Variants in BUD31 observed in about 807,000 individuals in gnomAD.
BUD31 encodes the protein BUD31 spliceosome associated protein, also known as protein BUD31 homolog.
A neutral mutation model predicts 17.9 loss-of-function variants in BUD31; 9 were observed. The observed-to-expected ratio is 0.50, with a 90% confidence interval of 0.30 to 0.88. The LOEUF (loss-of-function observed/expected upper bound fraction) is 0.88, where lower values mean the gene tolerates loss of function less well. Among genes scored for constraint, BUD31 ranks in the 40% least tolerant of loss-of-function variants. The pLI, the probability that BUD31 is intolerant of heterozygous loss-of-function variation, is 0.06. For missense variants in BUD31, 148 were observed against 184.5 expected, an observed-to-expected ratio of 0.80 and a Z score of 1.15; for synonymous variants, 70 against 64.7, an observed-to-expected ratio of 1.08 and a Z score of -0.39.
At chr7:99,411,391 T>G (rs11760993) in intron 3 of BUD31, 38,971 of 519,060 alleles carry the variant, frequency 0.075, 2,115 homozygotes, top group African/African-American at 0.21. Flanking sequence ...AAAGGTGTTT[T>G]TTTTTGTTTT....
At position 99,419,300 on chromosome 7, in the gene BUD31, C is replaced by T. The variant is rs180952324; in HGVS notation, c.385-91C>T. The stretch of plus-strand genomic sequence containing the variant: ...GGTGTGTCCCTATATGGCATGGTGG[C>T]AGGTCCTTCGTGGGAGGGTTGCCAC... On this transcript the variant is annotated intron_variant, in intron 5 of 5. Coordinates refer to ENST00000222969, the MANE Select transcript of BUD31 (RefSeq NM_003910.4). The T allele has an allele frequency of 3.0e-3, 4,371 of 1,470,988 alleles. 16 individuals carry two copies. The highest frequency in any genetic ancestry group is 5.1e-3 in the Middle Eastern group (29 of 5,724). 91.1% of individuals were successfully genotyped at this position (1,470,988 alleles called of 1,614,324 possible). A position where few individuals can be genotyped will look rare whatever the true frequency, so the allele number is the denominator to read the frequency against.
chr7:99,414,060 T>C (rs1373108519), intron 3 of BUD31, among the ~76,000 whole-genome samples: 1 of 152,180 alleles, frequency 6.6e-6, no homozygotes, highest in Non-Finnish European at 1.5e-5. Flanking sequence ...CCAAGCACAC[T>C]CATGAATTAC....
At position 99,417,511 on chromosome 7, in the gene BUD31, G is replaced by A. The variant is rs139288318; in HGVS notation, c.300G>A (p.Leu100=). 4.8e-5 allele frequency: 77 copies of A among 1,611,582 alleles called. No individual in the cohort carries two copies. Among genetic ancestry groups the A allele is most frequent in the Non-Finnish European group, 6.0e-5 (71 of 1,178,330 alleles). ...GGAAAAAGCAAGGATATGAGAACTT[G>A]TGCTGCCTGCGGTGCATTCAGACAC... The part of the protein sequence containing the change: ...AKWKKQGYEN[L]CCLRCIQTRD... The change falls in exon 5 of 6, where the codon TTG becomes TTA. Residue 100 remains leucine (L), a synonymous_variant. Transcript: ENST00000222969.
chr7:99,413,672 A>G (rs1002096658), intron 3 of BUD31, among the ~76,000 whole-genome samples: 3 of 152,070 alleles, frequency 2.0e-5, no homozygotes, highest in African/African-American at 4.8e-5. Context: ...GCTAACTGCA[A>G]CCTCTGCTTC....
intron 3 of BUD31, chr7:99,415,039 G>T: frequency 4.0e-6 from 1 of 252,738 alleles, no homozygotes; most frequent in Non-Finnish European, 8.0e-6. Flanking sequence ...TTTGATTATA[G>T]TCATCTGTAG....
rs14935 is a variant in BUD31, at chr7:99,419,448, C to T, written c.*7C>T. ...TCGTGGCTGCTCTGGCTGAGGCTGG[C>T]GCGCTCCACCCTGGACTCTGGACTT... is the stretch of plus-strand genomic sequence containing the variant. On this transcript the variant is annotated 3_prime_UTR_variant, in exon 6 of 6. Transcript: ENST00000222969. 0.011 allele frequency: 18,111 copies of T among 1,607,972 alleles called. 966 individuals are homozygous for T. The African/African-American group carries it at 0.15, about 14-fold the overall frequency.
intron 5 of BUD31, chr7:99,417,984 C>T (rs972078629): frequency 8.5e-6 from 10 of 1,174,092 alleles, no homozygotes; most frequent in Admixed American, 4.2e-5. Flanking sequence ...TCCCGCCCCC[C>T]CAAGACGGAG....
intron 4 of BUD31, 40 bp downstream of exon 4, chr7:99,416,300 A>G (rs1584439330): frequency 6.3e-7 from 1 of 1,596,002 alleles, no homozygotes; most frequent in Non-Finnish European, 8.6e-7. Flanking sequence ...AGCTCGCGTC[A>G]CTTTTGGAGT....
intron 5 of BUD31, 129 bp from the exon 6 acceptor site, chr7:99,419,258 CAAGG>C (rs1336426642): frequency 5.3e-6 from 6 of 1,126,332 alleles, no homozygotes; most frequent in Non-Finnish European, 7.8e-6. Flanking sequence ...CCAGAGCTGT[CAAGG>C]AAGGGTTTCT....
Position 99,417,577 on chromosome 7 carries a change from C to T in BUD31, c.366C>T (p.Pro122=), listed in dbSNP as rs148492381. ...NFGTNCICRV[P]KSKLEVGRII... ...GGACGAACTGCATCTGCCGCGTGCC[C>T]AAAAGCAAGCTGGAAGTGGTAATGT... is the stretch of plus-strand genomic sequence containing the variant. Residue 122 remains proline, a synonymous_variant, in exon 5 of 6, where the codon CCC becomes CCT. Coordinates refer to ENST00000222969, the MANE Select transcript of BUD31 (RefSeq NM_003910.4). The T allele has an allele frequency of 5.6e-6, 9 of 1,612,478 alleles. No individual in the cohort carries two copies. Among genetic ancestry groups the T allele is most frequent in the Admixed American group, 1.7e-5 (1 of 60,002 alleles).
intron 3 of BUD31, chr7:99,411,875 T>G (rs1194290968): frequency 5.7e-6 from 2 of 350,074 alleles, no homozygotes; most frequent in East Asian, 1.7e-4. Context: ...CCCGGCTAAT[T>G]TTTGTATTTT....
At chr7:99,419,261 GGAAGGGTTTCT>G in intron 5 of BUD31, 119 bp from the exon 6 acceptor site, 1 of 1,155,004 alleles carries the variant, frequency 8.7e-7, no homozygotes. Flanking sequence ...GAGCTGTCAA[GGAAGGGTTTCT>G]GAGGTGTGTC....
intron 3 of BUD31, chr7:99,415,318 G>C: frequency 6.6e-6 from 3 of 451,958 alleles, no homozygotes; most frequent in South Asian, 4.7e-5. Flanking sequence ...TTGCCTGCCT[G>C]GCACCAAGGC....
intron 3 of BUD31, chr7:99,415,355 T>C (rs533602171): frequency 2.3e-6 from 1 of 427,106 alleles, no homozygotes. Flanking sequence ...CTTATGCCAT[T>C]ATTTCTGCTT....
At chr7:99,410,669 C>T (rs1394058957) in intron 2 of BUD31, among the ~76,000 whole-genome samples, 1 of 152,166 alleles carries the variant, frequency 6.6e-6, no homozygotes, top group African/African-American at 2.4e-5. Flanking sequence ...GGGGCAAAGG[C>T]TTAACTTTTG....
chr7:99,417,621 G>A, intron 5 of BUD31, 26 bp downstream of exon 5: 1 of 1,607,384 alleles, frequency 6.2e-7, no homozygotes, highest in Non-Finnish European at 8.5e-7. Flanking sequence ...CAAGCTTGGT[G>A]TTGTTTTCAG....
At chr7:99,416,088 C>T (rs764866518) in intron 3 of BUD31, 50 bp from the exon 4 acceptor site, 1 of 1,599,800 alleles carries the variant, frequency 6.3e-7, no homozygotes. Flanking sequence ...AAAGAAAATC[C>T]TGCGCAGACC....
Position 99,419,544 on chromosome 7 carries a change from C to G in BUD31, c.*103C>G. ...GCAGTGCCCCAGGCCCGAGTTGGAGCACGGTCTCTATGGGGAAGGCTTCGC... is the reference window on the plus strand; with the variant it reads ...GCAGTGCCCCAGGCCCGAGTTGGAGGACGGTCTCTATGGGGAAGGCTTCGC... On this transcript the variant is annotated 3_prime_UTR_variant, in exon 6 of 6. Coordinates refer to ENST00000222969, the MANE Select transcript of BUD31 (RefSeq NM_003910.4). The G allele has an allele frequency of 7.3e-7, 1 of 1,365,582 alleles. No homozygotes were observed. Among genetic ancestry groups the G allele is most frequent in the South Asian group, 1.2e-5 (1 of 85,546 alleles). 84.6% of individuals were successfully genotyped at this position (1,365,582 alleles called of 1,614,324 possible).
intron 3 of BUD31, among the ~76,000 whole-genome samples, chr7:99,415,460 T>A (rs1425737901): frequency 2.0e-5 from 3 of 152,138 alleles, no homozygotes; most frequent in Non-Finnish European, 2.9e-5. Context: ...ACTAGGAGCG[T>A]GACCACCAAA....
Sources: gnomAD v4.1 joint callset for allele counts (sites outside exome capture counted in the v4.1 genomes callset) on GRCh38, gnomAD v4.1.1 for gene constraint, MANE v1.5 for transcripts, NCBI Gene and HGNC (gene_info 2026-07-23, HGNC 2026-07-21) for gene names.